Variants in SRP9 observed in about 807,000 individuals in gnomAD.
The protein encoded by SRP9 is signal recognition particle 9 kDa protein.
In SRP9, 2 loss-of-function variants were observed where a neutral mutation model predicts 11.7. The observed-to-expected ratio is 0.17, with a 90% CI of 0.07 to 0.54. SRP9 has a LOEUF of 0.54. Among genes scored for constraint, SRP9 ranks in the 20% least tolerant of loss-of-function variants. The probability of loss-of-function intolerance (pLI) is 0.94; values close to 1 mark genes in which losing one functional copy is unlikely to be tolerated. For missense variants in SRP9, 54 were observed against 108.1 expected (o/e 0.50, Z 2.22); for synonymous variants, 27 against 35.6 (o/e 0.76, Z 0.86).
intron 2 of SRP9, among the ~76,000 whole-genome samples, chr1:225,784,340 G>A (rs1449959746): frequency 2.2e-5 from 3 of 136,742 alleles, no homozygotes; most frequent in Non-Finnish European, 4.6e-5. Context: ...TCTGCCTCCC[G>A]GGTTCATGCC....
chr1:225,783,136 AT>A (rs767575058), intron 1 of SRP9, among the ~76,000 whole-genome samples, 163 bp from the exon 2 acceptor site: 22 of 150,398 alleles, frequency 1.5e-4, no homozygotes, highest in South Asian at 6.3e-4. Context: ...AAAATAGCTG[AT>A]TTTTTTTTTA....
chr1:225,781,961 C>T (rs960562605), intron 1 of SRP9, among the ~76,000 whole-genome samples: 3 of 151,896 alleles, frequency 2.0e-5, no homozygotes, highest in Non-Finnish European at 4.4e-5. Context: ...TCAGACAAAT[C>T]GCATATAGTG....
Position 225,783,894 on chromosome 1 carries a change from C to A in SRP9, c.141+526C>A, listed in dbSNP as rs74148701. 6.0e-3 allele frequency among the ~76,000 whole-genome samples: 910 copies of A among 152,196 alleles called. 8 individuals are homozygous for A. Among genetic ancestry groups the A allele is most frequent in the African/African-American group, 0.021 (870 of 41,516 alleles). Reference sequence around the variant, plus strand: ...TTTGACCTCCTTGCTGCTTTTGATACAGAAGCCCACTCTTTCATAGAAATA... The same window carrying A: ...TTTGACCTCCTTGCTGCTTTTGATAAAGAAGCCCACTCTTTCATAGAAATA... On this transcript the variant is annotated intron_variant, in intron 2 of 2. Transcript: ENST00000304786.
rs918066847 is a variant in SRP9, at chr1:225,783,485, T to C, written c.141+117T>C. 8.7e-6 allele frequency: 7 copies of C among 802,202 alleles called. No individual in the cohort carries two copies. In the Admixed American group the frequency reaches 1.8e-4, roughly 21 times the overall value. The allele number at this position is 802,202 out of a possible 1,614,324, so 49.7% of individuals were successfully genotyped here. On this transcript the variant is annotated intron_variant, in intron 2 of 2. Transcript: ENST00000304786. Reference sequence around the variant, plus strand: ...CCCATTAGGATGCTTATTTTGCATTTCATTTAAAGATGAAGAACCTCATTC... The same window carrying C: ...CCCATTAGGATGCTTATTTTGCATTCCATTTAAAGATGAAGAACCTCATTC...
rs577634605 is a variant in SRP9 at position 225,780,342 on chromosome 1, G to GA, written c.72+2331dup. Among the ~76,000 whole-genome samples, 234 of 152,092 alleles carry GA rather than the reference G, an allele frequency of 1.5e-3. 3 individuals carry two copies. Among genetic ancestry groups the GA allele is most frequent in the Non-Finnish European group, 2.5e-4 (17 of 68,000 alleles). On this transcript the variant is annotated intron_variant, in intron 1 of 2. Transcript: ENST00000304786. Reference sequence around the variant, plus strand: ...TGGCTTGACTGATATGTTGAGAGGGGAGAGGATGAGTGTAGAGGAAGAGCT... The same window carrying GA: ...TGGCTTGACTGATATGTTGAGAGGGGAAGAGGATGAGTGTAGAGGAAGAGCT...
intron 2 of SRP9, chr1:225,786,824 T>G (rs189877329): frequency 9.5e-6 from 12 of 1,264,670 alleles, no homozygotes; most frequent in East Asian, 5.6e-5. Flanking sequence ...TTCTTTTGTT[T>G]GTTGATTGGT....
chr1:225,786,022 T>G (rs1665903212), intron 2 of SRP9, among the ~76,000 whole-genome samples: 1 of 152,234 alleles, frequency 6.6e-6, no homozygotes, highest in South Asian at 2.1e-4. Context: ...TGATTGTTAC[T>G]CCCTTGCTTA....
At chr1:225,785,267 G>A (rs909793608) in intron 2 of SRP9, among the ~76,000 whole-genome samples, 18 of 145,328 alleles carry the variant, frequency 1.2e-4, no homozygotes, top group Non-Finnish European at 3.0e-5. Flanking sequence ...TAGTAGAGAC[G>A]GGGTTTTCAC....
At chr1:225,781,979 T>G (rs917359404) in intron 1 of SRP9, among the ~76,000 whole-genome samples, 2 of 149,818 alleles carry the variant, frequency 1.3e-5, no homozygotes, top group Admixed American at 1.3e-4. Context: ...GTGATGTAAC[T>G]TTTTTTTTTC....
intron 2 of SRP9, among the ~76,000 whole-genome samples, chr1:225,788,797 AC>A (rs1665966453): frequency 6.6e-6 from 1 of 151,756 alleles, no homozygotes; most frequent in Non-Finnish European, 1.5e-5. Flanking sequence ...TTATTATCAA[AC>A]CCCCAATTTC....
Position 225,790,236 on chromosome 1 carries a change from A to T in SRP9, c.*877A>T, listed in dbSNP as rs936659853. 6 of 152,236 alleles carry T rather than the reference A, an allele frequency of 3.9e-5. No individual in the cohort carries two copies. The highest frequency in any genetic ancestry group is 1.3e-4 in the Admixed American group (2 of 15,280). 9.4% of individuals were successfully genotyped at this position (152,236 alleles called of 1,614,324 possible). Reference sequence around the variant, plus strand: ...CAAGGTGTTAGGTGTGACTGTCACAACTGTTATGTTTTCCAGTAAACTAGA... The same window carrying T: ...CAAGGTGTTAGGTGTGACTGTCACATCTGTTATGTTTTCCAGTAAACTAGA... On this transcript the variant is annotated 3_prime_UTR_variant, in exon 3 of 3. Transcript: ENST00000304786.
intron 2 of SRP9, among the ~76,000 whole-genome samples, chr1:225,784,226 G>GTT (rs1665852659): frequency 2.3e-5 from 1 of 42,558 alleles, no homozygotes; most frequent in African/African-American, 9.4e-5. Context: ...TTTATCACCT[G>GTT]TTCTTTTTTT....
At chr1:225,788,988 T>A in intron 2 of SRP9, 1 of 1,546,078 alleles carries the variant, frequency 6.5e-7, no homozygotes, top group Non-Finnish European at 8.7e-7. Flanking sequence ...ACATTTAACA[T>A]TTTTCAGAAG....
chr1:225,781,395 C>CTTTTTTTTTTTTTTTTT (rs11315558), intron 1 of SRP9, among the ~76,000 whole-genome samples: 7 of 87,828 alleles, frequency 8.0e-5, no homozygotes, highest in African/African-American at 2.9e-4. Flanking sequence ...TTTTCTTTTT[C>CTTTTTTTTTTTTTTTTT]TTTTTTTTTT....
At chr1:225,788,395 A>C in intron 2 of SRP9, among the ~76,000 whole-genome samples, 1 of 150,304 alleles carries the variant, frequency 6.7e-6, no homozygotes, top group African/African-American at 2.4e-5. Flanking sequence ...TCAAAAATAC[A>C]TACCTTCAGC....
Position 225,778,067 on chromosome 1 carries a change from C to A in SRP9, c.72+55C>A, listed in dbSNP as rs922283003. On this transcript the variant is annotated intron_variant, in intron 1 of 2. Transcript: ENST00000304786. ...GCCCCAGCCCAGGATGTCTTCCCGC[C>A]ATCCACTCGGCCCCTGGAGCTTCCC... 3.1e-6 allele frequency: 5 copies of A among 1,597,160 alleles called. No individual in the cohort carries two copies. In the African/African-American group the frequency reaches 4.0e-5, roughly 13 times the overall value.
chr1:225,788,976 T>C, intron 2 of SRP9: 2 of 1,544,050 alleles, frequency 1.3e-6, no homozygotes, highest in Non-Finnish European at 1.7e-6. Flanking sequence ...TAGCAGGATT[T>C]AACATTTAAC....
chr1:225,784,982 C>T (rs913983284), intron 2 of SRP9, among the ~76,000 whole-genome samples: 4 of 152,046 alleles, frequency 2.6e-5, no homozygotes, highest in African/African-American at 7.2e-5. Context: ...CGCTATGTTG[C>T]CCAGGCTGGT....
rs1309881907 is a variant in SRP9 at position 225,790,013 on chromosome 1, A to G, written c.*654A>G. The G allele has an allele frequency of 6.6e-6, 1 of 152,300 alleles. No individual in the cohort carries two copies. The highest frequency in any genetic ancestry group is 1.9e-4 in the East Asian group (1 of 5,202). 9.4% of individuals were successfully genotyped at this position (152,300 alleles called of 1,614,324 possible). A position where few individuals can be genotyped will look rare whatever the true frequency, so the allele number is the denominator to read the frequency against. ...ATGACTTTGAATCTAGTTTTCAGTGATCAGAAGCAGCAGTTATTTGAGTGT... is the reference window on the plus strand; with the variant it reads ...ATGACTTTGAATCTAGTTTTCAGTGGTCAGAAGCAGCAGTTATTTGAGTGT... On this transcript the variant is annotated 3_prime_UTR_variant, in exon 3 of 3. Transcript: ENST00000304786.
Sources: gnomAD v4.1 joint callset for allele counts (sites outside exome capture counted in the v4.1 genomes callset) on GRCh38, gnomAD v4.1.1 for gene constraint, MANE v1.5 for transcripts, NCBI Gene and HGNC (gene_info 2026-07-23, HGNC 2026-07-21) for gene names.